The following ZGRF1 variants were observed in gnomAD, a reference collection of about 807,000 sequenced individuals.
The protein encoded by ZGRF1 is 5'-3' DNA helicase ZGRF1.
In ZGRF1, 196 loss-of-function variants were observed where a neutral mutation model predicts 203.5. The ratio of observed to expected loss-of-function variants is 0.96; its 90% confidence interval spans 0.86 to 1.08. The LOEUF is 1.08. Among genes scored for constraint, ZGRF1 ranks in the 50% least tolerant of loss-of-function variants. The pLI, the probability that ZGRF1 is intolerant of heterozygous loss-of-function variation, is 0.00. For missense variants in ZGRF1, 2,326 were observed against 2,416.3 expected (o/e 0.96, Z 0.78); for synonymous variants, 809 against 841.3 (o/e 0.96, Z 0.66).
chr4:112,575,833 T>C (rs1260984674), intron 16 of ZGRF1, among the ~76,000 whole-genome samples: 1 of 152,206 alleles, frequency 6.6e-6, no homozygotes, highest in South Asian at 2.1e-4. Context: ...CCTGCCTCTG[T>C]AGACTCCCCC....
At chr4:112,624,016 T>G in intron 3 of ZGRF1, 140 bp from the exon 4 acceptor site, 1 of 598,190 alleles carries the variant, frequency 1.7e-6, no homozygotes, top group Non-Finnish European at 3.0e-6. Flanking sequence ...GATTTGAAAA[T>G]TCATCTATTT....
intron 16 of ZGRF1, among the ~76,000 whole-genome samples, chr4:112,574,847 GA>G (rs747005096): frequency 2.6e-5 from 4 of 152,090 alleles, no homozygotes; most frequent in Non-Finnish European, 5.9e-5. Flanking sequence ...CCAACATGGT[GA>G]AACCCTGTCT....
chr4:112,539,555 G>A lies in ZGRF1; in HGVS notation c.6307C>T (p.His2103Tyr). ...SEKEKSKDKSHS is the reference protein window; with the variant it reads ...SEKEKSKDKSYS The stretch of plus-strand genomic sequence containing the variant: ...ATTTACACCATGTCTTTTTATGAAT[G>A]AGATTTATCTTTAGATTTCTCTTTT... The change falls in exon 28 of 28, where the codon CAT becomes TAT. Residue 2103 changes from histidine (H) to tyrosine (Y), a missense_variant. By Grantham distance (83) the His-to-Tyr change is moderately conservative. Coordinates refer to ENST00000505019, the MANE Select transcript of ZGRF1 (RefSeq NM_018392.5). 1.5e-6 allele frequency: 2 copies of A among 1,347,294 alleles called. No homozygotes were observed. The highest frequency in any genetic ancestry group is 1.0e-6 in the Non-Finnish European group (1 of 967,090). 83.5% of individuals were successfully genotyped at this position (1,347,294 alleles called of 1,614,324 possible). A position where few individuals can be genotyped will look rare whatever the true frequency, so the allele number is the denominator to read the frequency against.
At chr4:112,586,643 G>T in intron 12 of ZGRF1, 60 bp from the exon 13 acceptor site, 3 of 1,232,456 alleles carry the variant, frequency 2.4e-6, no homozygotes, top group Non-Finnish European at 2.2e-6. Context: ...TTACTAAAGA[G>T]TAAATTATTT....
In ZGRF1 at chr4:112,591,601, C is replaced by CA. The variant is rs957382440; in HGVS notation, c.2977-1728dup. Reference sequence around the variant, plus strand: ...ACTGCCTATCACCCTCCCCCTCACTCACTCACTCCATGGCAGCCTCCTTGC... The same window carrying CA: ...ACTGCCTATCACCCTCCCCCTCACTCAACTCACTCCATGGCAGCCTCCTTGC... On this transcript the variant is annotated intron_variant, in intron 10 of 27. Transcript: ENST00000505019. Among the ~76,000 whole-genome samples the CA allele has an allele frequency of 7.2e-4, 109 of 152,168 alleles. 1 individual carries two copies. The highest frequency in any genetic ancestry group is 2.5e-3 in the African/African-American group (105 of 41,450).
rs576667195 is a variant in ZGRF1 at position 112,587,831 on chromosome 4, C to T, written c.3226G>A (p.Gly1076Arg). ...GAATGAGAGTCTAAGTCAGGTGGCC[C>T]ATCAGTACGTGGCAAAGTAATAAGT... is the stretch of plus-strand genomic sequence containing the variant. Reference protein sequence around the residue: ...VPLITLPRTDGPPDLDSHSYM... With the variant: ...VPLITLPRTDRPPDLDSHSYM... Residue 1076 changes from glycine (G) to arginine (R), a missense_variant, in exon 12 of 28, where the codon GGG becomes AGG. Gly to Arg is a moderately radical substitution (Grantham distance 125). Transcript: ENST00000505019. The T allele has an allele frequency of 1.9e-6, 3 of 1,551,386 alleles. No individual in the cohort carries two copies. Among genetic ancestry groups the T allele is most frequent in the African/African-American group, 2.7e-5 (2 of 73,004 alleles).
At chr4:112,568,994 G>A (rs866745883) in intron 16 of ZGRF1, among the ~76,000 whole-genome samples, 196 of 152,076 alleles carry the variant, frequency 1.3e-3, no homozygotes, top group African/African-American at 4.3e-3. Context: ...CCAGCCTGGC[G>A]ACAGAGCAAG....
intron 17 of ZGRF1, 43 bp downstream of exon 17, chr4:112,563,088 A>T (rs910064377): frequency 6.7e-7 from 1 of 1,488,278 alleles, no homozygotes; most frequent in Non-Finnish European, 9.0e-7. Flanking sequence ...TATGTCTATC[A>T]TTCTTTTTAA....
chr4:112,629,983 C>G, intron 3 of ZGRF1: 1 of 258,076 alleles, frequency 3.9e-6, no homozygotes, highest in Non-Finnish European at 8.0e-6. Flanking sequence ...TGTGCCACTG[C>G]ACTCCAGCCT....
At position 112,618,970 on chromosome 4, in the gene ZGRF1, C is replaced by A. The variant is rs376974839; in HGVS notation, c.1072G>T (p.Asp358Tyr). ...AGGTCTTTCAAATTAGAATTTACAT[C>A]ATCTTCCTGGGCCTTGGGTTTCCTT... is the stretch of plus-strand genomic sequence containing the variant. ...TERKPKAQEDDVNSNLKDLSL... is the reference protein window; with the variant it reads ...TERKPKAQEDYVNSNLKDLSL... The change falls in exon 6 of 28, where the codon GAT (aspartate) becomes TAT (tyrosine). Residue 358 changes from aspartate (D) to tyrosine (Y), a missense_variant. Coordinates refer to ENST00000505019, the MANE Select transcript of ZGRF1 (RefSeq NM_018392.5). The A allele has an allele frequency of 3.7e-6, 6 of 1,613,706 alleles. No individual in the cohort carries two copies. The South Asian group carries it at 6.6e-5, about 18-fold the overall frequency.
intron 7 of ZGRF1, chr4:112,611,048 A>C (rs1359250200): frequency 4.9e-6 from 1 of 202,108 alleles, no homozygotes; most frequent in Admixed American, 6.3e-5. Flanking sequence ...AAAAAAAATC[A>C]ACATTATTAA....
At chr4:112,553,636 T>C (rs1740373324) in intron 22 of ZGRF1, among the ~76,000 whole-genome samples, 199 bp downstream of exon 22, 2 of 152,222 alleles carry the variant, frequency 1.3e-5, no homozygotes, top group Non-Finnish European at 2.9e-5. Flanking sequence ...ATTCACGAAT[T>C]TGAAGAATGC....
chr4:112,619,832 G>T, intron 5 of ZGRF1, 142 bp from the exon 6 acceptor site: 1 of 917,642 alleles, frequency 1.1e-6, no homozygotes, highest in Non-Finnish European at 1.6e-6. Context: ...GTTTGTCAAA[G>T]TACATTCATT....
Position 112,589,712 on chromosome 4 carries a change from G to T in ZGRF1, c.3127+12C>A. The T allele has an allele frequency of 2.5e-6, 4 of 1,611,282 alleles. No homozygotes were observed. Among genetic ancestry groups the T allele is most frequent in the Non-Finnish European group, 3.4e-6 (4 of 1,177,578 alleles). ...GAATAGACAGATATTAGAGCAATGT[G>T]GTAACGACTACCCTCCAAGTTGAGA... On this transcript the variant is annotated intron_variant, in intron 11 of 27. Coordinates refer to ENST00000505019, the MANE Select transcript of ZGRF1 (RefSeq NM_018392.5).
At chr4:112,581,632 C>T in intron 16 of ZGRF1, 31 bp downstream of exon 16, 1 of 1,521,348 alleles carries the variant, frequency 6.6e-7, no homozygotes, top group Non-Finnish European at 8.8e-7. Flanking sequence ...TAAGGCTAGA[C>T]TGAATCGCCA....
intron 3 of ZGRF1, among the ~76,000 whole-genome samples, chr4:112,630,684 G>C (rs1457920344): frequency 6.6e-6 from 1 of 151,948 alleles, no homozygotes; most frequent in African/African-American, 2.4e-5. Flanking sequence ...CTGAGGTCAG[G>C]AGTTCAAGAC....
At chr4:112,621,207 A>G (rs1454043817) in intron 4 of ZGRF1, among the ~76,000 whole-genome samples, 1 of 152,206 alleles carries the variant, frequency 6.6e-6, no homozygotes, top group East Asian at 1.9e-4. Flanking sequence ...ATTACCAACT[A>G]TATATCTTTA....
rs946663056 is a variant in ZGRF1 at position 112,633,367 on chromosome 4, G to C, written c.-66-125C>G. On this transcript the variant is annotated intron_variant, in intron 1 of 27. Coordinates refer to ENST00000505019, the MANE Select transcript of ZGRF1 (RefSeq NM_018392.5). ...GTTCCAAGATTACCTAACTACCAAG[G>C]GAAACAGAGGTGTAATTATCTATCA... 7.0e-6 allele frequency: 4 copies of C among 569,960 alleles called. No individual in the cohort carries two copies. The East Asian group carries it at 1.2e-4, about 17-fold the overall frequency. The allele number at this position is 569,960 out of a possible 1,614,324, so 35.3% of individuals were successfully genotyped here.
chr4:112,560,527 T>C (rs1741757849), intron 19 of ZGRF1, among the ~76,000 whole-genome samples: 1 of 152,224 alleles, frequency 6.6e-6, no homozygotes, highest in Non-Finnish European at 1.5e-5. Context: ...ATGCTACTCA[T>C]TCATCAGATA....
Sources: gnomAD v4.1 joint callset for allele counts (sites outside exome capture counted in the v4.1 genomes callset) on GRCh38, gnomAD v4.1.1 for gene constraint, MANE v1.5 for transcripts, NCBI Gene and HGNC (gene_info 2026-07-23, HGNC 2026-07-21) for gene names.